The following ATP2B2 variants were observed in gnomAD, a reference collection of about 807,000 sequenced individuals.
The protein encoded by ATP2B2 is ATPase plasma membrane Ca2+ transporting 2.
A neutral mutation model predicts 120.0 loss-of-function variants in ATP2B2; 15 were observed. That is an observed-to-expected ratio of 0.12 (90% CI 0.08 to 0.19). The LOEUF (loss-of-function observed/expected upper bound fraction) is 0.19. Among genes scored for constraint, ATP2B2 ranks in the 10% least tolerant of loss-of-function variants. The pLI is 1.00. For synonymous variants in ATP2B2, 694 were observed against 700.3 expected, an observed-to-expected ratio of 0.99 and a Z score of 0.14; for missense variants, 1,045 against 1,719.8, an observed-to-expected ratio of 0.61 and a Z score of 6.94.
intron 2 of ATP2B2, among the ~76,000 whole-genome samples, chr3:10,575,942 C>A (rs977132281): frequency 6.6e-6 from 1 of 152,226 alleles, no homozygotes; most frequent in Non-Finnish European, 1.5e-5. Context: ...AGATAGGAAA[C>A]CTTAAAATTG....
chr3:10,507,024 C>G (rs11916329), upstream of ATP2B2, among the ~76,000 whole-genome samples: 33,937 of 152,206 alleles, frequency 0.22, 4,274 homozygotes, highest in East Asian at 0.37. Context: ...GACCTCCTTG[C>G]TCCTCAGCCC....
At position 10,375,739 on chromosome 3, in the gene ATP2B2, G is replaced by C. The variant is rs1415655007; in HGVS notation, c.1202-95C>G. 10 of 1,092,324 alleles carry C rather than the reference G, an allele frequency of 9.2e-6. No individual in the cohort carries two copies. The highest frequency in any genetic ancestry group is 3.1e-5 in the African/African-American group (2 of 64,166). 67.7% of individuals were successfully genotyped at this position (1,092,324 alleles called of 1,614,324 possible). The stretch of plus-strand genomic sequence containing the variant: ...TTTGGCTGAAAGAGCTCCGGGTCAG[G>C]CTGACCCCAGCTCACCTCCCAGCTC... On this transcript the variant is annotated intron_variant, in intron 10 of 22. Coordinates refer to ENST00000360273, the MANE Select transcript of ATP2B2 (RefSeq NM_001001331.4). This position sits in a 1 kb window ranked among gnomAD's most constrained non-coding sequence, Gnocchi z 4.2.
chr3:10,527,464 T>C (rs1301163074), intron 3 of ATP2B2, among the ~76,000 whole-genome samples: 3 of 152,190 alleles, frequency 2.0e-5, no homozygotes, highest in Admixed American at 2.0e-4. Context: ...TTCACCGCCC[T>C]CTGGAGGGAG....
rs548022610 is a variant in ATP2B2 at position 10,347,095 on chromosome 3, C to A, written c.2405-958G>T. Among the ~76,000 whole-genome samples, 1 of 152,248 alleles carries A rather than the reference C, an allele frequency of 6.6e-6. No individual in the cohort carries two copies. Among genetic ancestry groups the A allele is most frequent in the South Asian group, 2.1e-4 (1 of 4,824 alleles). On this transcript the variant is annotated intron_variant, in intron 16 of 22. Transcript: ENST00000360273. This position sits in a 1 kb window ranked among gnomAD's most constrained non-coding sequence, Gnocchi z 5.2. ...GGAATGTCGTTTTCCTGCTTCCCCC[C>A]TTGGTCTCAGGATAACATCCATGTT... is the stretch of plus-strand genomic sequence containing the variant.
At position 10,327,915 on chromosome 3, in the gene ATP2B2, G is replaced by A. The variant is rs2059886742; in HGVS notation, c.*899C>T. 1 of 152,634 alleles carries A rather than the reference G, an allele frequency of 6.6e-6. No individual in the cohort carries two copies. The highest frequency in any genetic ancestry group is 2.4e-5 in the African/African-American group (1 of 41,442). 9.5% of individuals were successfully genotyped at this position (152,634 alleles called of 1,614,324 possible). A position where few individuals can be genotyped will look rare whatever the true frequency, so the allele number is the denominator to read the frequency against. On this transcript the variant is annotated 3_prime_UTR_variant, in exon 23 of 23. Transcript: ENST00000360273. Reference sequence around the variant, plus strand: ...ATAAAACATCCAGGATGCAACCCAGGGGAAGTGTCTGTTGGGCCGAGCTGT... The same window carrying A: ...ATAAAACATCCAGGATGCAACCCAGAGGAAGTGTCTGTTGGGCCGAGCTGT...
intron 1 of ATP2B2, among the ~76,000 whole-genome samples, chr3:10,676,175 A>C (rs1385007799): frequency 6.6e-6 from 1 of 152,218 alleles, no homozygotes; most frequent in African/African-American, 2.4e-5. Flanking sequence ...GAGGTAAAGA[A>C]GGAGAGAGAA....
At chr3:10,341,137 C>T (rs1401597609) in intron 19 of ATP2B2, among the ~76,000 whole-genome samples, 1 of 152,086 alleles carries the variant, frequency 6.6e-6, no homozygotes, top group Non-Finnish European at 1.5e-5. Flanking sequence ...TCTACAAGCT[C>T]ATGGGGCTGT....
intron 1 of ATP2B2, among the ~76,000 whole-genome samples, chr3:10,494,344 G>A (rs1420696164): frequency 1.3e-5 from 2 of 152,174 alleles, no homozygotes; most frequent in Non-Finnish European, 2.9e-5. Flanking sequence ...AGAATCCCAT[G>A]AGGTTGGTAC....
intron 2 of ATP2B2, among the ~76,000 whole-genome samples, chr3:10,448,886 G>A (rs940831730): frequency 1.7e-4 from 26 of 152,308 alleles, no homozygotes; most frequent in Admixed American, 1.6e-3. Context: ...AGGAAGGACC[G>A]GGCCTGCATG....
At chr3:10,426,809 C>T (rs549096349) in intron 2 of ATP2B2, among the ~76,000 whole-genome samples, 3 of 130,324 alleles carry the variant, frequency 2.3e-5, no homozygotes, top group East Asian at 4.9e-4. Flanking sequence ...GATCAGGAGC[C>T]GTTTCCTAGA....
chr3:10,417,026 G>A (rs368373835), intron 2 of ATP2B2, among the ~76,000 whole-genome samples: 1 of 144,500 alleles, frequency 6.9e-6, no homozygotes, highest in Admixed American at 6.7e-5. Context: ...TCCCAGATAG[G>A]GCGGCAGCCA....
chr3:10,457,470 G>A (rs1423495316), intron 1 of ATP2B2, among the ~76,000 whole-genome samples: 3 of 151,968 alleles, frequency 2.0e-5, no homozygotes, highest in South Asian at 4.1e-4. Context: ...TCTCTATGAT[G>A]TATCAGTGGA....
chr3:10,581,264 A>T (rs1399785286), intron 2 of ATP2B2, among the ~76,000 whole-genome samples: 1 of 152,226 alleles, frequency 6.6e-6, no homozygotes, highest in Non-Finnish European at 1.5e-5. Flanking sequence ...GCAAGAGAAG[A>T]GAAGTTCTGA....
chr3:10,350,632 C>T, intron 14 of ATP2B2, 55 bp from the exon 15 acceptor site: 1 of 1,578,922 alleles, frequency 6.3e-7, no homozygotes, highest in Non-Finnish European at 8.6e-7. Context: ...CAGACTCCCC[C>T]TGCCTTCATG....
chr3:10,429,449 T>C (rs1171957988), intron 2 of ATP2B2, among the ~76,000 whole-genome samples: 2 of 152,252 alleles, frequency 1.3e-5, no homozygotes, highest in African/African-American at 4.8e-5. Context: ...TTCATGATGA[T>C]TAAATCTGTT....
intron 2 of ATP2B2, among the ~76,000 whole-genome samples, chr3:10,580,691 G>A (rs1000343423): frequency 1.3e-5 from 2 of 152,082 alleles, no homozygotes; most frequent in African/African-American, 4.8e-5. Flanking sequence ...AAACTTTCAT[G>A]CCTGGGAGTG....
chr3:10,488,515 C>CTTCCTTCG (rs2065814332), intron 1 of ATP2B2, among the ~76,000 whole-genome samples: 2 of 118,072 alleles, frequency 1.7e-5, no homozygotes, highest in East Asian at 2.5e-4. Flanking sequence ...TCGTTCCTTC[C>CTTCCTTCG]TTCCTTCCTT....
chr3:10,369,732 G>T (rs2061171635), intron 12 of ATP2B2, among the ~76,000 whole-genome samples: 1 of 152,158 alleles, frequency 6.6e-6, no homozygotes, highest in South Asian at 2.1e-4. Context: ...CTAGGAAACT[G>T]AGGCACCAAG....
chr3:10,513,947 G>A (rs778482248), intron 3 of ATP2B2, among the ~76,000 whole-genome samples: 14 of 152,132 alleles, frequency 9.2e-5, no homozygotes, highest in Admixed American at 7.9e-4. Context: ...GACGGAAGAG[G>A]GGACACGCCC....
Sources: gnomAD v4.1 joint callset for allele counts (sites outside exome capture counted in the v4.1 genomes callset) on GRCh38, gnomAD v4.1.1 for gene constraint, Gnocchi (gnomAD v3.1) non-coding constraint, MANE v1.5 for transcripts, NCBI Gene and HGNC (gene_info 2026-07-23, HGNC 2026-07-21) for gene names.